GADL1: variants seen among roughly 807,000 people sequenced by gnomAD.
The protein encoded by GADL1 is acidic amino acid decarboxylase GADL1.
GADL1 carries 71 observed loss-of-function variants against 69.5 expected under a neutral mutation model. That is an observed-to-expected ratio of 1.02 (90% CI 0.84 to 1.25). GADL1 has a LOEUF of 1.25. Among genes scored for constraint, GADL1 ranks in the 50% most tolerant of loss-of-function variants. GADL1 has a pLI of 0.00. For missense variants in GADL1, 737 were observed against 631.8 expected (o/e 1.17, Z -1.79); for synonymous variants, 254 against 214.4 (o/e 1.18, Z -1.62).
At chr3:30,779,606 A>G (rs73061078) in intron 13 of GADL1, among the ~76,000 whole-genome samples, 9 of 152,342 alleles carry the variant, frequency 5.9e-5, no homozygotes, top group Non-Finnish European at 8.8e-5. Flanking sequence ...GCAACCTAAT[A>G]TAATAGATTT....
Position 30,894,651 on chromosome 3 carries a change from T to C in GADL1, c.-37A>G. Reference sequence around the variant, plus strand: ...CACTCCAGGCTGCCCCGGGCGCGGCTCCCGCAGTCTGGGCGGCGACGGTGG... The same window carrying C: ...CACTCCAGGCTGCCCCGGGCGCGGCCCCCGCAGTCTGGGCGGCGACGGTGG... On this transcript the variant is annotated 5_prime_UTR_variant, in exon 1 of 15. Transcript: ENST00000282538. 6.5e-7 allele frequency: 1 copy of C among 1,544,902 alleles called. No homozygotes were observed.
intron 12 of GADL1, among the ~76,000 whole-genome samples, chr3:30,791,009 T>A (rs1024304919): frequency 3.3e-5 from 5 of 151,370 alleles, no homozygotes; most frequent in African/African-American, 4.9e-5. Flanking sequence ...TTTTTTTTTT[T>A]AAATCTCTAT....
chr3:30,863,154 G>A (rs1698347055), intron 1 of GADL1, among the ~76,000 whole-genome samples: 1 of 151,758 alleles, frequency 6.6e-6, no homozygotes, highest in South Asian at 2.1e-4. Flanking sequence ...AAGCAGCAGC[G>A]ATATAAACTT....
intron 14 of GADL1, among the ~76,000 whole-genome samples, chr3:30,733,598 T>TTCCTTCCTTCCTTCCTTCCG (rs1695498649): frequency 7.1e-6 from 1 of 141,572 alleles, no homozygotes. Flanking sequence ...CCTTCCTTCC[T>TTCCTTCCTTCCTTCCTTCCG]TCCTTCCTTC....
At chr3:30,835,952 T>A (rs897554777) in intron 9 of GADL1, among the ~76,000 whole-genome samples, 7 of 152,088 alleles carry the variant, frequency 4.6e-5, no homozygotes, top group Admixed American at 3.9e-4. Flanking sequence ...GAAAATTTTA[T>A]CCCCAGCCTA....
intron 1 of GADL1, among the ~76,000 whole-genome samples, chr3:30,869,916 A>C (rs932168897): frequency 6.6e-6 from 1 of 151,882 alleles, no homozygotes. Flanking sequence ...AAAGGCATAA[A>C]GTTTGATAGG....
chr3:30,786,523 G>C, intron 12 of GADL1, 117 bp from the exon 13 acceptor site: 1 of 665,348 alleles, frequency 1.5e-6, no homozygotes, highest in South Asian at 1.7e-5. Context: ...TACAGATAAA[G>C]GTCAAGGAAC....
chr3:30,838,241 CAAA>C (rs939071291), intron 9 of GADL1, among the ~76,000 whole-genome samples: 2 of 151,548 alleles, frequency 1.3e-5, no homozygotes, highest in African/African-American at 2.4e-5. Flanking sequence ...TGGTTTCACA[CAAA>C]AAAAATTAAT....
At chr3:30,753,093 A>G (rs957975690) in intron 14 of GADL1, among the ~76,000 whole-genome samples, 1 of 152,192 alleles carries the variant, frequency 6.6e-6, no homozygotes, top group Non-Finnish European at 1.5e-5. Context: ...CCAATAAATA[A>G]GTGCAGTGTC....
At chr3:30,845,493 CA>C (rs1415240879) in intron 6 of GADL1, among the ~76,000 whole-genome samples, 1 of 152,090 alleles carries the variant, frequency 6.6e-6, no homozygotes, top group Non-Finnish European at 1.5e-5. Flanking sequence ...TATATTCCCT[CA>C]AATGTGGTAA....
Position 30,861,776 on chromosome 3 carries a change from G to A in GADL1, c.38-11C>T, listed in dbSNP as rs1232477142. The stretch of plus-strand genomic sequence containing the variant: ...GTTGATCAATATCTCCTGGAAGCAA[G>A]CAAACAAATTGTGTTTGAGAGATAA... On this transcript the variant is annotated splice_polypyrimidine_tract_variant and intron_variant, in intron 1 of 14. Coordinates refer to ENST00000282538, the MANE Select transcript of GADL1 (RefSeq NM_207359.3). The A allele has an allele frequency of 3.3e-6, 5 of 1,532,730 alleles. No individual in the cohort carries two copies. The African/African-American group carries it at 5.5e-5, about 17-fold the overall frequency. The allele number at this position is 1,532,730 out of a possible 1,614,324, so 94.9% of individuals were successfully genotyped here.
chr3:30,776,226 T>A (rs576589108), intron 14 of GADL1, among the ~76,000 whole-genome samples: 64 of 152,346 alleles, frequency 4.2e-4, no homozygotes, highest in Non-Finnish European at 8.7e-4. Flanking sequence ...GACACAAATA[T>A]CACATTCTTC....
chr3:30,785,029 A>C (rs1309673409), intron 13 of GADL1, among the ~76,000 whole-genome samples: 2 of 152,154 alleles, frequency 1.3e-5, no homozygotes, highest in Non-Finnish European at 2.9e-5. Context: ...ATCTTTATTC[A>C]GGTCTCAGCT....
chr3:30,870,412 A>G (rs1223568171), intron 1 of GADL1, among the ~76,000 whole-genome samples: 1 of 151,756 alleles, frequency 6.6e-6, no homozygotes, highest in African/African-American at 2.4e-5. Context: ...AAATGGAAAG[A>G]GATAAGTGTG....
chr3:30,849,869 C>T, intron 6 of GADL1, 127 bp downstream of exon 6: 2 of 563,850 alleles, frequency 3.5e-6, no homozygotes, highest in Non-Finnish European at 6.2e-6. Flanking sequence ...GAATGAAATA[C>T]TATGTTATAC....
intron 2 of GADL1, among the ~76,000 whole-genome samples, chr3:30,857,877 A>AT (rs1698254514): frequency 6.6e-6 from 1 of 151,942 alleles, no homozygotes; most frequent in African/African-American, 2.4e-5. Flanking sequence ...GGAGGTTCCC[A>AT]TACTGGGGTC....
Position 30,818,786 on chromosome 3 carries a change from A to G in GADL1, c.1050+15067T>C, listed in dbSNP as rs552378002. Among the ~76,000 whole-genome samples the G allele has an allele frequency of 9.9e-5, 15 of 152,184 alleles. No individual in the cohort carries two copies. The East Asian group carries it at 1.7e-3, about 18-fold the overall frequency. On this transcript the variant is annotated intron_variant, in intron 11 of 14. Transcript: ENST00000282538. Reference sequence around the variant, plus strand: ...CTGAGGTGTGAAATTTCCTTGTCCAATTTGGTCACTGCAGTTGTGTGTTGA... The same window carrying G: ...CTGAGGTGTGAAATTTCCTTGTCCAGTTTGGTCACTGCAGTTGTGTGTTGA...
At chr3:30,820,459 A>G (rs1263053638) in intron 11 of GADL1, among the ~76,000 whole-genome samples, 2 of 152,202 alleles carry the variant, frequency 1.3e-5, no homozygotes. Context: ...GAAATGCAAG[A>G]GAATAACTTA....
intron 13 of GADL1, among the ~76,000 whole-genome samples, chr3:30,781,799 AC>A (rs1259515746): frequency 6.6e-6 from 1 of 152,212 alleles, no homozygotes; most frequent in African/African-American, 2.4e-5. Flanking sequence ...CGTGTCTGGC[AC>A]ACAGCAAGCA....
Sources: gnomAD v4.1 joint callset for allele counts (sites outside exome capture counted in the v4.1 genomes callset) on GRCh38, gnomAD v4.1.1 for gene constraint, MANE v1.5 for transcripts, NCBI Gene and HGNC (gene_info 2026-07-23, HGNC 2026-07-21) for gene names.